RFT1: variants seen among roughly 807,000 people sequenced by gnomAD.
The protein encoded by RFT1 is man(5)GlcNAc(2)-PP-dolichol translocation protein RFT1.
A neutral mutation model predicts 62.2 loss-of-function variants in RFT1; 43 were observed. The ratio of observed to expected loss-of-function variants is 0.69; its 90% CI spans 0.54 to 0.89. The LOEUF (loss-of-function observed/expected upper bound fraction) is 0.89, where lower values mean the gene tolerates loss of function less well. Ranked by LOEUF, RFT1 falls within the 40% of genes least tolerant of loss-of-function variation. The pLI is 0.00. For missense variants in RFT1, 605 were observed against 649.9 expected (o/e 0.93, Z 0.75); for synonymous variants, 262 against 264.6 (o/e 0.99, Z 0.10).
chr3:53,083,695 G>T (rs921327792), downstream of RFT1, among the ~76,000 whole-genome samples: 1 of 152,158 alleles, frequency 6.6e-6, no homozygotes, highest in Non-Finnish European at 1.5e-5. Context: ...CTGTGCTTGG[G>T]CATCCTGCCC....
the RFT1 span, among the ~76,000 whole-genome samples, chr3:53,073,276 C>G: frequency 6.6e-6 from 1 of 152,254 alleles, no homozygotes; most frequent in Admixed American, 6.5e-5. Context: ...ACAGCCTCTG[C>G]CGTCAGACTG....
intron 7 of RFT1, among the ~76,000 whole-genome samples, chr3:53,110,991 G>C (rs1267926471): frequency 6.6e-6 from 1 of 152,056 alleles, no homozygotes; most frequent in Admixed American, 6.6e-5. Context: ...AAACTGAAAG[G>C]ACCAAAGTCT....
At chr3:53,128,444 G>A (rs564390940) in intron 1 of RFT1, among the ~76,000 whole-genome samples, 121 of 152,278 alleles carry the variant, frequency 7.9e-4, no homozygotes, top group African/African-American at 2.6e-3. Flanking sequence ...GGTTGCTTAC[G>A]CCACCCAGTA....
intron 10 of RFT1, among the ~76,000 whole-genome samples, chr3:53,102,278 A>T (rs1195251549): frequency 6.6e-6 from 1 of 152,234 alleles, no homozygotes; most frequent in African/African-American, 2.4e-5. Flanking sequence ...CCATAGCTTC[A>T]TTGTGCACTT....
the RFT1 span, among the ~76,000 whole-genome samples, chr3:53,074,198 G>A: frequency 6.6e-6 from 1 of 152,250 alleles, no homozygotes; most frequent in East Asian, 1.9e-4. Context: ...GGGGGAGCCT[G>A]ACAAACACCC....
chr3:53,084,382 C>T (rs878883946), downstream of RFT1, among the ~76,000 whole-genome samples: 10 of 152,204 alleles, frequency 6.6e-5, no homozygotes, highest in Admixed American at 1.3e-4. Context: ...TGGCGCTGCC[C>T]GCAGACAGTC....
intron 1 of RFT1, among the ~76,000 whole-genome samples, chr3:53,126,405 G>A (rs1335871789): frequency 6.6e-6 from 1 of 152,212 alleles, no homozygotes; most frequent in Non-Finnish European, 1.5e-5. Flanking sequence ...TAGCAAGTGG[G>A]AGCCTTAAGG....
At chr3:53,070,393 G>GGTTT in the RFT1 span, among the ~76,000 whole-genome samples, 151 of 85,452 alleles carry the variant, frequency 1.8e-3, 35 homozygotes, top group South Asian at 2.4e-3. Flanking sequence ...CTGTATTATG[G>GGTTT]TTTTTTTTTT....
chr3:53,067,543 G>A, the RFT1 span, among the ~76,000 whole-genome samples: 1 of 152,188 alleles, frequency 6.6e-6, no homozygotes, highest in Non-Finnish European at 1.5e-5. Context: ...CTCCTAGGGT[G>A]AGGAAGTTTG....
At chr3:53,083,503 A>G (rs532668972), downstream of RFT1, among the ~76,000 whole-genome samples, 2 of 150,538 alleles carry the variant, frequency 1.3e-5, no homozygotes, top group East Asian at 3.9e-4. Flanking sequence ...TAAAAAAAAA[A>G]AAAAAAAAAG....
rs1004807 is a variant in RFT1, at chr3:53,106,587, T to C, written c.826+232A>G. On this transcript the variant is annotated intron_variant, in intron 8 of 12. Transcript: ENST00000296292. ...TCTTGGCACCTCCCACCTCCCAAAA[T>C]GAACACCAGAGCTCTCAGGAGGCAA... Among the ~76,000 whole-genome samples, 106,387 of 152,036 alleles carry C rather than the reference T, an allele frequency of 0.7. 37,293 individuals carry two copies. Among genetic ancestry groups the C allele is most frequent in the East Asian group, 0.85 (4,389 of 5,170 alleles).
intron 1 of RFT1, among the ~76,000 whole-genome samples, chr3:53,130,078 C>A (rs9868263): frequency 1.3e-5 from 2 of 152,060 alleles, no homozygotes; most frequent in East Asian, 3.9e-4. Flanking sequence ...ACTCCTACTG[C>A]CATATGGGAA....
intron 10 of RFT1, 136 bp downstream of exon 10, chr3:53,103,817 C>A (rs1347969962): frequency 1.8e-6 from 2 of 1,110,058 alleles, no homozygotes; most frequent in Admixed American, 3.9e-5. Flanking sequence ...GGGAACAGTC[C>A]CACAGCCCCT....
At chr3:53,070,538 A>G in the RFT1 span, among the ~76,000 whole-genome samples, 3 of 150,888 alleles carry the variant, frequency 2.0e-5, no homozygotes. Flanking sequence ...AGTAGCTGGG[A>G]TTACAGGCAT....
chr3:53,105,510 A>G (rs961308117), intron 9 of RFT1, among the ~76,000 whole-genome samples, 163 bp downstream of exon 9: 1 of 151,544 alleles, frequency 6.6e-6, no homozygotes, highest in African/African-American at 2.4e-5. Flanking sequence ...ACGAAAGAAG[A>G]GGTGAGCCCT....
intron 1 of RFT1, among the ~76,000 whole-genome samples, chr3:53,127,669 A>G (rs1575506945): frequency 7.0e-6 from 1 of 142,998 alleles, no homozygotes; most frequent in Admixed American, 7.0e-5. Flanking sequence ...AAAAAAAAAA[A>G]GAAAAGAAAA....
chr3:53,123,615 G>A (rs990425249), intron 3 of RFT1, 109 bp downstream of exon 3: 42 of 868,446 alleles, frequency 4.8e-5, no homozygotes, highest in Non-Finnish European at 6.6e-5. Flanking sequence ...AACCCATGAC[G>A]AAACTGAATC....
At chr3:53,104,434 G>A (rs1297763483) in intron 9 of RFT1, among the ~76,000 whole-genome samples, 1 of 148,958 alleles carries the variant, frequency 6.7e-6, no homozygotes, top group African/African-American at 2.5e-5. Context: ...TCACTATGTT[G>A]ACCAGGCTAA....
Position 53,099,265 on chromosome 3 carries a change from T to G in RFT1, c.1208+116A>C, listed in dbSNP as rs139206390. 4.7e-3 allele frequency: 3,819 copies of G among 806,322 alleles called. 36 individuals carry two copies. Among genetic ancestry groups the G allele is most frequent in the Non-Finnish European group, 6.9e-3 (3,190 of 464,532 alleles). 49.9% of individuals were successfully genotyped at this position (806,322 alleles called of 1,614,324 possible). ...AGCACCACACTGGTGGACTAAGTGT[T>G]GCCTCTAAAACAGCCATCTGTAAAT... On this transcript the variant is annotated intron_variant, in intron 11 of 12. Coordinates refer to ENST00000296292, the MANE Select transcript of RFT1 (RefSeq NM_052859.4).
Sources: allele counts gnomAD v4.1 joint callset (sites outside exome capture counted in the v4.1 genomes callset), GRCh38; gene constraint gnomAD v4.1.1; transcripts MANE v1.5; gene names NCBI Gene and HGNC (gene_info 2026-07-23, HGNC 2026-07-21).